Variants in EDNRA observed in about 807,000 individuals in gnomAD.
EDNRA encodes the protein endothelin-1 receptor.
A neutral mutation model predicts 41.4 loss-of-function variants in EDNRA; 11 were observed. That is an observed-to-expected ratio of 0.27 (90% CI 0.17 to 0.44). The LOEUF is 0.44. EDNRA is among the 20% of genes least tolerant of loss of function. The probability of loss-of-function intolerance (pLI) is 1.00; values close to 1 mark genes in which losing one functional copy is unlikely to be tolerated. For missense variants in EDNRA, 294 were observed against 531.0 expected, an observed-to-expected ratio of 0.55 and a Z score of 4.39; for synonymous variants, 172 against 183.0, an observed-to-expected ratio of 0.94 and a Z score of 0.49.
rs1050996200 is a variant in EDNRA, at chr4:147,544,408, G to A, written c.*1790G>A. 1.2e-4 allele frequency: 19 copies of A among 152,712 alleles called. No homozygotes were observed. Among genetic ancestry groups the A allele is most frequent in the African/African-American group, 4.3e-4 (18 of 41,446 alleles). 9.5% of individuals were successfully genotyped at this position (152,712 alleles called of 1,614,324 possible). A position where few individuals can be genotyped will look rare whatever the true frequency, so the allele number is the denominator to read the frequency against. ...TCATTACACTTTGAAGTATTATATT[G>A]TTCTTATCCTCAATTCAATGTGGTG... On this transcript the variant is annotated 3_prime_UTR_variant, in exon 8 of 8. Transcript: ENST00000651419.
At chr4:147,493,214 A>C (rs1034390018) in intron 2 of EDNRA, 1 of 152,080 alleles carries the variant, frequency 6.6e-6, no homozygotes, top group Non-Finnish European at 1.5e-5. Flanking sequence ...ATGATGCAGG[A>C]AAGTTTTAGG....
At chr4:147,491,935 C>T (rs548746501) in intron 2 of EDNRA, 3 of 152,352 alleles carry the variant, frequency 2.0e-5, no homozygotes, top group African/African-American at 7.2e-5. Flanking sequence ...CTGTGAGCAC[C>T]TCTCTTTCCA....
chr4:147,528,114 T>C (rs1179777818), intron 3 of EDNRA, among the ~76,000 whole-genome samples: 1 of 152,218 alleles, frequency 6.6e-6, no homozygotes, highest in Non-Finnish European at 1.5e-5. Flanking sequence ...TGTGTAAACA[T>C]AACTCTTAGA....
intron 2 of EDNRA, chr4:147,491,574 G>A (rs578218536): frequency 1.9e-4 from 28 of 144,344 alleles, no homozygotes; most frequent in African/African-American, 7.9e-4. Context: ...GAAGGTGGGG[G>A]TGGTGGTGGT....
Position 147,519,830 on chromosome 4 carries a change from C to T in EDNRA, c.421-21C>T, listed in dbSNP as rs2126448728. ...CCGTGCCAGCTCTACCATTTCTTACCACTGTGTCTCCTTCTTTCAGCTGCT... is the reference window on the plus strand; with the variant it reads ...CCGTGCCAGCTCTACCATTTCTTACTACTGTGTCTCCTTCTTTCAGCTGCT... On this transcript the variant is annotated intron_variant, in intron 2 of 7. Coordinates refer to ENST00000651419, the MANE Select transcript of EDNRA (RefSeq NM_001957.4). This position sits in a 1 kb window ranked among gnomAD's most constrained non-coding sequence, Gnocchi z 4.1. 6.2e-7 allele frequency: 1 copy of T among 1,611,730 alleles called. No individual in the cohort carries two copies. Among genetic ancestry groups the T allele is most frequent in the Non-Finnish European group, 8.5e-7 (1 of 1,178,678 alleles).
In EDNRA at chr4:147,523,461, G is replaced by GT. The variant is rs796601293; in HGVS notation, c.548+3492dup. Among the ~76,000 whole-genome samples, 231 of 131,048 alleles carry GT rather than the reference G, an allele frequency of 1.8e-3. 5 individuals carry two copies. The highest frequency in any genetic ancestry group is 0.017 in the South Asian group (75 of 4,318). 86.0% of individuals were successfully genotyped at this position (131,048 alleles called of 152,430 possible). A position where few individuals can be genotyped will look rare whatever the true frequency, so the allele number is the denominator to read the frequency against. ...AGAGAGTCTGTTTTGTTGGGTGTTT[G>GT]TTTTTTTTTGTTGTTGTTGTTTTTT... On this transcript the variant is annotated intron_variant, in intron 3 of 7. Coordinates refer to ENST00000651419, the MANE Select transcript of EDNRA (RefSeq NM_001957.4).
At chr4:147,535,114 G>A (rs573029646) in intron 4 of EDNRA, among the ~76,000 whole-genome samples, 1 of 152,232 alleles carries the variant, frequency 6.6e-6, no homozygotes, top group Admixed American at 6.5e-5. Context: ...TTAATTTTGT[G>A]GGAAGAAGAA....
intron 2 of EDNRA, chr4:147,492,623 A>T (rs146622092): frequency 6.6e-6 from 1 of 150,896 alleles, no homozygotes; most frequent in African/African-American, 2.4e-5. Flanking sequence ...CCTATAAGTG[A>T]TTTGGAATAT....
intron 4 of EDNRA, among the ~76,000 whole-genome samples, chr4:147,533,723 GT>G (rs1730827840): frequency 6.6e-6 from 1 of 152,226 alleles, no homozygotes; most frequent in African/African-American, 2.4e-5. Context: ...AATTTGGGCT[GT>G]GTGAATAAGC....
intron 5 of EDNRA, among the ~76,000 whole-genome samples, chr4:147,538,909 G>A (rs1731004875): frequency 6.6e-6 from 1 of 152,148 alleles, no homozygotes; most frequent in South Asian, 2.1e-4. Context: ...GACATTAACT[G>A]ATCCCAGTTA....
intron 2 of EDNRA, among the ~76,000 whole-genome samples, chr4:147,512,378 C>T (rs1470539255): frequency 2.0e-5 from 3 of 152,182 alleles, no homozygotes; most frequent in Non-Finnish European, 4.4e-5. Context: ...TCCTCTCATC[C>T]ACCTTGTTGT....
intron 3 of EDNRA, among the ~76,000 whole-genome samples, chr4:147,523,210 C>G (rs1048333292): frequency 1.2e-4 from 18 of 152,152 alleles, no homozygotes; most frequent in African/African-American, 4.3e-4. Context: ...TAAAAGGTGC[C>G]AGACTCTTAG....
At chr4:147,484,299 C>G (rs754624066) in intron 1 of EDNRA, among the ~76,000 whole-genome samples, 2 of 152,202 alleles carry the variant, frequency 1.3e-5, no homozygotes, top group Non-Finnish European at 2.9e-5. Flanking sequence ...ACCAGATGGT[C>G]TTTGAAAATG....
At position 147,519,646 on chromosome 4, in the gene EDNRA, T is replaced by C. The variant is rs1224378966; in HGVS notation, c.421-205T>C. 6.6e-6 allele frequency among the ~76,000 whole-genome samples: 1 copy of C among 151,566 alleles called. No homozygotes were observed. Among genetic ancestry groups the C allele is most frequent in the African/African-American group, 2.4e-5 (1 of 41,326 alleles). ...TACATATTAATAATAATAAATTATATCTGTATATCTTTCCAGACTAAAAAT... is the reference window on the plus strand; with the variant it reads ...TACATATTAATAATAATAAATTATACCTGTATATCTTTCCAGACTAAAAAT... On this transcript the variant is annotated intron_variant, in intron 2 of 7. Coordinates refer to ENST00000651419, the MANE Select transcript of EDNRA (RefSeq NM_001957.4). This position sits in a 1 kb window ranked among gnomAD's most constrained non-coding sequence, Gnocchi z 4.1.
intron 3 of EDNRA, among the ~76,000 whole-genome samples, chr4:147,525,209 A>T (rs188837168): frequency 6.6e-6 from 1 of 152,252 alleles, no homozygotes; most frequent in Non-Finnish European, 1.5e-5. Flanking sequence ...TAGCTTTCTC[A>T]CTATCAGCTT....
chr4:147,523,452 TGGG>T, intron 3 of EDNRA, among the ~76,000 whole-genome samples: 1 of 150,878 alleles, frequency 6.6e-6, no homozygotes. Flanking sequence ...TCTGTTTTGT[TGGG>T]TGTTTGTTTT....
intron 2 of EDNRA, among the ~76,000 whole-genome samples, chr4:147,516,469 A>G (rs1008595206): frequency 1.3e-5 from 2 of 152,232 alleles, no homozygotes; most frequent in Non-Finnish European, 2.9e-5. Context: ...CAAAATTGGT[A>G]CTGTCTCATT....
intron 5 of EDNRA, among the ~76,000 whole-genome samples, chr4:147,538,680 A>G (rs892501748): frequency 6.6e-6 from 1 of 151,968 alleles, no homozygotes; most frequent in African/African-American, 2.4e-5. Flanking sequence ...CTCAGTCATT[A>G]CTCCGGAGCC....
Position 147,485,984 on chromosome 4 carries a change from G to C in EDNRA, c.303G>C (p.Leu101=), listed in dbSNP as rs10305868. Residue 101 remains leucine (L), a synonymous_variant, in exon 2 of 8, where the codon CTG becomes CTC. Coordinates refer to ENST00000651419, the MANE Select transcript of EDNRA (RefSeq NM_001957.4). Reference sequence around the variant, plus strand: ...TGGGAATGGTGGGGAATGCAACTCTGCTCAGGATCATTTACCAGAACAAAT... The same window carrying C: ...TGGGAATGGTGGGGAATGCAACTCTCCTCAGGATCATTTACCAGAACAAAT... The part of the protein sequence containing the change: ...FIVGMVGNAT[L]LRIIYQNKCM... 1.2e-4 allele frequency: 198 copies of C among 1,614,234 alleles called. 3 individuals are homozygous for C. The South Asian group carries it at 1.8e-3, about 15-fold the overall frequency.
Sources: gnomAD v4.1 joint callset for allele counts (sites outside exome capture counted in the v4.1 genomes callset) on GRCh38, gnomAD v4.1.1 for gene constraint, Gnocchi (gnomAD v3.1) non-coding constraint, MANE v1.5 for transcripts, NCBI Gene and HGNC (gene_info 2026-07-23, HGNC 2026-07-21) for gene names.